Variants in SLC46A2 observed in about 807,000 individuals in gnomAD.
SLC46A2 encodes thymic stromal co-transporter.
In SLC46A2, 25 loss-of-function variants were observed where a neutral mutation model predicts 33.1. The observed-to-expected ratio is 0.76, with a 90% CI of 0.55 to 1.06. The LOEUF is 1.06. SLC46A2 is among the 50% of genes least tolerant of loss of function. The pLI is 0.00. For synonymous variants in SLC46A2, 254 were observed against 275.9 expected, an observed-to-expected ratio of 0.92 and a Z score of 0.79; for missense variants, 622 against 621.7, an observed-to-expected ratio of 1.00 and a Z score of 0.00.
intron 2 of SLC46A2, among the ~76,000 whole-genome samples, 155 bp downstream of exon 2, chr9:112,887,175 A>T (rs886512934): frequency 2.0e-5 from 3 of 151,752 alleles, no homozygotes; most frequent in East Asian, 1.9e-4. Flanking sequence ...ACCCGTCTCC[A>T]CTCTCTGTGC....
At chr9:112,888,694 G>GTCT (rs1452783030) in intron 1 of SLC46A2, among the ~76,000 whole-genome samples, 1 of 152,138 alleles carries the variant, frequency 6.6e-6, no homozygotes, top group African/African-American at 2.4e-5. Context: ...GCTTATAGTT[G>GTCT]TCTGACTTGT....
At chr9:112,887,051 T>G (rs924952424) in intron 2 of SLC46A2, among the ~76,000 whole-genome samples, 2 of 152,220 alleles carry the variant, frequency 1.3e-5, no homozygotes, top group South Asian at 2.1e-4. Flanking sequence ...TTTGTGTGGC[T>G]CAATTCACTA....
Position 112,886,629 on chromosome 9 carries a change from C to A in SLC46A2, c.1214-13G>T, listed in dbSNP as rs1400296073. 1.9e-6 allele frequency: 3 copies of A among 1,613,532 alleles called. No homozygotes were observed. Among genetic ancestry groups the A allele is most frequent in the Non-Finnish European group, 2.5e-6 (3 of 1,179,816 alleles). On this transcript the variant is annotated splice_polypyrimidine_tract_variant and intron_variant, in intron 2 of 3. Coordinates refer to ENST00000374228, the MANE Select transcript of SLC46A2 (RefSeq NM_033051.4). ...ACGAACACCTTTCCTGTGGAAGGGA[C>A]AGAGGTTACTCCGGAGTGCCTTGCT...
chr9:112,890,092 T>C lies in SLC46A2; in HGVS notation c.590A>G (p.Gln197Arg). Residue 197 changes from glutamine to arginine, a missense_variant, in exon 1 of 4, where the codon CAG becomes CGG. Coordinates refer to ENST00000374228, the MANE Select transcript of SLC46A2 (RefSeq NM_033051.4). This position sits in a 1 kb window ranked among gnomAD's most constrained non-coding sequence, Gnocchi z 6.0. ...GCCCTGCCCAGAGTGCCCAGCCATC[T>C]GCTTGAAGAGATGCCCGGAAGCCAT... ...GSMASGHLFK[Q>R]MAGHSGQGLI... 1 of 1,613,642 alleles carries C rather than the reference T, an allele frequency of 6.2e-7. No homozygotes were observed. The highest frequency in any genetic ancestry group is 8.5e-7 in the Non-Finnish European group (1 of 1,179,916).
In SLC46A2 at chr9:112,890,062, A is replaced by G. The variant is rs1000767641; in HGVS notation, c.620T>C (p.Ile207Thr). The part of the protein sequence containing the change: ...QMAGHSGQGL[I>T]LTACSVSCAS... ...ACAGCTCACGCTGCAGGCCGTCAGT[A>G]TCAGGCCCTGCCCAGAGTGCCCAGC... Residue 207 changes from isoleucine to threonine, a missense_variant, in exon 1 of 4, where the codon ATA becomes ACA. Coordinates refer to ENST00000374228, the MANE Select transcript of SLC46A2 (RefSeq NM_033051.4). This position sits in a 1 kb window ranked among gnomAD's most constrained non-coding sequence, Gnocchi z 6.0. 9 of 1,613,748 alleles carry G rather than the reference A, an allele frequency of 5.6e-6. No homozygotes were observed. The highest frequency in any genetic ancestry group is 1.6e-4 in the Middle Eastern group (1 of 6,084).
Position 112,890,399 on chromosome 9 carries a change from C to G in SLC46A2, c.283G>C (p.Gly95Arg), listed in dbSNP as rs553409959. Residue 95 changes from glycine to arginine, a missense_variant, in exon 1 of 4, where the codon GGG becomes CGG. By Grantham distance (125) the Gly-to-Arg change is moderately radical. Coordinates refer to ENST00000374228, the MANE Select transcript of SLC46A2 (RefSeq NM_033051.4). The surrounding 1 kb of genome is among the most constrained non-coding windows in gnomAD (Gnocchi z 6.0). The part of the protein sequence containing the change: ...VGLSPLLSAY[G>R]LGWLSDRYHR... ...TAGCGGTCGCTGAGCCATCCCAGCC[C>G]GTAGGCGGACAGCAGGGGGGACAGG... is the stretch of plus-strand genomic sequence containing the variant. 6.2e-7 allele frequency: 1 copy of G among 1,614,062 alleles called. No homozygotes were observed. Among genetic ancestry groups the G allele is most frequent in the Admixed American group, 1.7e-5 (1 of 60,006 alleles).
intron 1 of SLC46A2, among the ~76,000 whole-genome samples, chr9:112,887,705 G>C (rs1489673541): frequency 2.0e-5 from 3 of 152,162 alleles, no homozygotes; most frequent in Non-Finnish European, 4.4e-5. Flanking sequence ...GTGATTACTA[G>C]GGAAGTGGAA....
At position 112,890,417 on chromosome 9, in the gene SLC46A2, G is replaced by A. The variant is rs1279187530; in HGVS notation, c.265C>T (p.Pro89Ser). The A allele has an allele frequency of 2.5e-6, 4 of 1,614,100 alleles. No homozygotes were observed. The highest frequency in any genetic ancestry group is 3.4e-6 in the Non-Finnish European group (4 of 1,180,048). The change falls in exon 1 of 4, where the codon CCC becomes TCC. Residue 89 changes from proline (P) to serine (S), a missense_variant. By Grantham distance (74) the Pro-to-Ser change is moderately conservative. Coordinates refer to ENST00000374228, the MANE Select transcript of SLC46A2 (RefSeq NM_033051.4). This position sits in a 1 kb window ranked among gnomAD's most constrained non-coding sequence, Gnocchi z 6.0. The stretch of plus-strand genomic sequence containing the variant: ...CCCAGCCCGTAGGCGGACAGCAGGG[G>A]GGACAGGCCCACCACAAGGTTGTAG... ...IIYNLVVGLS[P>S]LLSAYGLGWL... is the part of the protein sequence containing the mutation.
In SLC46A2 at chr9:112,889,812, A is replaced by G. The variant is rs781734759; in HGVS notation, c.870T>C (p.Ala290=). The change falls in exon 1 of 4, where the codon GCT becomes GCC. Residue 290 remains alanine (A), a synonymous_variant. Transcript: ENST00000374228. ...CCACCACCGCCAGGTCATATATGATAGCACCCACAAAGAGCAAGGCAATGG... is the reference window on the plus strand; with the variant it reads ...CCACCACCGCCAGGTCATATATGATGGCACCCACAAAGAGCAAGGCAATGG... ...KTTIALLFVG[A]IIYDLAVVGT... 1 of 1,614,190 alleles carries G rather than the reference A, an allele frequency of 6.2e-7. No homozygotes were observed. The highest frequency in any genetic ancestry group is 8.5e-7 in the Non-Finnish European group (1 of 1,180,040).
chr9:112,890,765 G>A lies in SLC46A2; in HGVS notation c.-84C>T. 4.1e-6 allele frequency: 6 copies of A among 1,450,266 alleles called. No homozygotes were observed. In the South Asian group the frequency reaches 8.0e-5, roughly 19 times the overall value. 89.8% of individuals were successfully genotyped at this position (1,450,266 alleles called of 1,614,324 possible). A position where few individuals can be genotyped will look rare whatever the true frequency, so the allele number is the denominator to read the frequency against. Reference sequence around the variant, plus strand: ...CAAATTCGGCTGCTACGGCTGCTCAGGTTTCAGTCCCGGAGCGCGAGTGTG... The same window carrying A: ...CAAATTCGGCTGCTACGGCTGCTCAAGTTTCAGTCCCGGAGCGCGAGTGTG... On this transcript the variant is annotated 5_prime_UTR_variant, in exon 1 of 4. Transcript: ENST00000374228. The surrounding 1 kb of genome is among the most constrained non-coding windows in gnomAD (Gnocchi z 6.0).
At chr9:112,887,549 G>T in intron 1 of SLC46A2, 136 bp from the exon 2 acceptor site, 1 of 718,462 alleles carries the variant, frequency 1.4e-6, no homozygotes, top group Non-Finnish European at 2.2e-6. Flanking sequence ...TCATTTCTCT[G>T]CTGGCACACT....
At position 112,889,924 on chromosome 9, in the gene SLC46A2, T is replaced by A. The variant is rs1322543229; in HGVS notation, c.758A>T (p.Tyr253Phe). Residue 253 changes from tyrosine to phenylalanine, a missense_variant, in exon 1 of 4, where the codon TAC becomes TTC. By Grantham distance (22) the Tyr-to-Phe change is conservative (BLOSUM62 3). Coordinates refer to ENST00000374228, the MANE Select transcript of SLC46A2 (RefSeq NM_033051.4). ...VDTVSGTVGT[Y>F]RTLDPDQLDQ... ...CAACTGATCAGGATCCAGAGTGCGGTATGTGCCAACCGTGCCAGACACGGT... is the reference window on the plus strand; with the variant it reads ...CAACTGATCAGGATCCAGAGTGCGGAATGTGCCAACCGTGCCAGACACGGT... The A allele has an allele frequency of 6.2e-7, 1 of 1,614,070 alleles. No homozygotes were observed. Among genetic ancestry groups the A allele is most frequent in the East Asian group, 2.2e-5 (1 of 44,890 alleles).
Position 112,879,497 on chromosome 9 carries a change from A to T in SLC46A2, c.*265T>A. ...GTGTGCAGCCTGCCTGTAACCCTTA[A>T]GGTCATGCTCTGCTGTCACAGAACC... On this transcript the variant is annotated 3_prime_UTR_variant, in exon 4 of 4. Transcript: ENST00000374228. The T allele has an allele frequency of 2.3e-6, 1 of 432,350 alleles. No individual in the cohort carries two copies. Among genetic ancestry groups the T allele is most frequent in the Non-Finnish European group, 4.3e-6 (1 of 233,600 alleles). The allele number at this position is 432,350 out of a possible 1,614,324, so 26.8% of individuals were successfully genotyped here.
At chr9:112,888,451 CTCAGATAACTG>C (rs566958589) in intron 1 of SLC46A2, among the ~76,000 whole-genome samples, 30 of 152,298 alleles carry the variant, frequency 2.0e-4, no homozygotes, top group African/African-American at 6.7e-4. Context: ...AAGAGCCAGC[CTCAGATAACTG>C]TCTGAAGTTG....
chr9:112,889,400 AG>A (rs1841691456), intron 1 of SLC46A2, among the ~76,000 whole-genome samples, 152 bp downstream of exon 1: 1 of 152,108 alleles, frequency 6.6e-6, no homozygotes, highest in Non-Finnish European at 1.5e-5. Context: ...AGATAAACTC[AG>A]GGGCATATAA....
chr9:112,879,236 T>G lies in SLC46A2; in HGVS notation c.*526A>C, dbSNP rs149438208. 0.011 allele frequency: 1,687 copies of G among 152,504 alleles called. 30 individuals carry two copies. The highest frequency in any genetic ancestry group is 0.038 in the African/African-American group (1,580 of 41,586). 9.4% of individuals were successfully genotyped at this position (152,504 alleles called of 1,614,324 possible). On this transcript the variant is annotated 3_prime_UTR_variant, in exon 4 of 4. Transcript: ENST00000374228. ...AAAGCTGACTTTTTTCAAGGTTTTATTTTAATTTAAAAGACATTGTTCGTG... is the reference window on the plus strand; with the variant it reads ...AAAGCTGACTTTTTTCAAGGTTTTAGTTTAATTTAAAAGACATTGTTCGTG...
chr9:112,879,598 C>G lies in SLC46A2; in HGVS notation c.*164G>C. On this transcript the variant is annotated 3_prime_UTR_variant, in exon 4 of 4. Coordinates refer to ENST00000374228, the MANE Select transcript of SLC46A2 (RefSeq NM_033051.4). ...CCAGGAAAGTGCTTTTCCCCATCCA[C>G]CAGGGATCCCTGAGCCAGAGCAGGT... 3.3e-6 allele frequency: 2 copies of G among 602,208 alleles called. No individual in the cohort carries two copies. The allele number at this position is 602,208 out of a possible 1,614,324, so 37.3% of individuals were successfully genotyped here.
In SLC46A2 at chr9:112,887,912, A is replaced by AGTGTGTGTGTGT. The variant is rs34424153; in HGVS notation, c.1130-511_1130-500dup. On this transcript the variant is annotated intron_variant, in intron 1 of 3. Transcript: ENST00000374228. ...CAAGCTCTATTGATTATCCAGATGC[A>AGTGTGTGTGTGT]GTGTGTGTGTGTGTGTGTGTGTGTG... Among the ~76,000 whole-genome samples the AGTGTGTGTGTGT allele has an allele frequency of 3.7e-3, 524 of 142,294 alleles. 1 individual carries two copies. The highest frequency in any genetic ancestry group is 9.2e-3 in the African/African-American group (343 of 37,434). The allele number at this position is 142,294 out of a possible 152,430, so 93.4% of individuals were successfully genotyped here. A position where few individuals can be genotyped will look rare whatever the true frequency, so the allele number is the denominator to read the frequency against.
At chr9:112,887,255 G>A in intron 2 of SLC46A2, 75 bp downstream of exon 2, 1 of 1,376,814 alleles carries the variant, frequency 7.3e-7, no homozygotes, top group Non-Finnish European at 1.0e-6. Context: ...GCCTTCTGCA[G>A]GTCTGTGCCT....
Sources: allele counts gnomAD v4.1 joint callset (sites outside exome capture counted in the v4.1 genomes callset), GRCh38; gene constraint gnomAD v4.1.1; non-coding constraint Gnocchi (gnomAD v3.1); transcripts MANE v1.5; gene names NCBI Gene and HGNC (gene_info 2026-07-23, HGNC 2026-07-21).